Variants in PCDHGA11 observed in about 807,000 individuals in gnomAD.
PCDHGA11 encodes protocadherin gamma-A11.
Under a neutral mutation model 60.4 loss-of-function variants are expected in PCDHGA11, and 39 were observed. That is an observed-to-expected ratio of 0.65 (90% CI 0.50 to 0.84). The LOEUF (loss-of-function observed/expected upper bound fraction) is 0.84, where lower values mean the gene tolerates loss of function less well. Among genes scored for constraint, PCDHGA11 ranks in the 40% least tolerant of loss-of-function variants. The pLI is 0.00. For missense variants in PCDHGA11, 1,165 were observed against 1,197.7 expected, an observed-to-expected ratio of 0.97 and a Z score of 0.40; for synonymous variants, 533 against 510.3, an observed-to-expected ratio of 1.04 and a Z score of -0.60.
At chr5:141,430,285 T>C (rs1456678142) in intron 1 of PCDHGA11, among the ~76,000 whole-genome samples, 18 of 151,710 alleles carry the variant, frequency 1.2e-4, no homozygotes, top group Admixed American at 1.2e-3. Flanking sequence ...GGAACAGTAA[T>C]CTCAAAGCAG....
At chr5:141,465,775 T>TA (rs2099108994) in intron 1 of PCDHGA11, among the ~76,000 whole-genome samples, 1 of 152,030 alleles carries the variant, frequency 6.6e-6, no homozygotes, top group African/African-American at 2.4e-5. Context: ...CATCTCTTGT[T>TA]ACAGTTTTTT....
In PCDHGA11 at chr5:141,477,531, C is replaced by T. The variant is rs1316982512; in HGVS notation, c.2434-17276C>T. 5 of 1,614,162 alleles carry T rather than the reference C, an allele frequency of 3.1e-6. No homozygotes were observed. Among genetic ancestry groups the T allele is most frequent in the Middle Eastern group, 1.6e-4 (1 of 6,062 alleles). On this transcript the variant is annotated intron_variant, in intron 1 of 3. Transcript: ENST00000398587. This position sits in a 1 kb window ranked among gnomAD's most constrained non-coding sequence, Gnocchi z 4.9. ...GTTTACATTGAAGAAAACAACCTCC[C>T]CGGGGCTCCAATACTAAACCTAAGT... is the stretch of plus-strand genomic sequence containing the variant.
intron 2 of PCDHGA11, among the ~76,000 whole-genome samples, chr5:141,497,076 C>T (rs1052240279): frequency 5.9e-5 from 9 of 151,826 alleles, no homozygotes; most frequent in Non-Finnish European, 8.8e-5. Context: ...GTAATCCCAG[C>T]GACTTAGGAG....
chr5:141,423,562 AC>A lies in PCDHGA11; in HGVS notation c.2336del (p.Thr779SerfsTer15). The A allele has an allele frequency of 6.2e-7, 1 of 1,613,612 alleles. No homozygotes were observed. Among genetic ancestry groups the A allele is most frequent in the Non-Finnish European group, 8.5e-7 (1 of 1,179,692 alleles). ...TTTCCCCCAGCCCAACTATGGGGAC[AC>A]GCTCATCAGCCAGGAGAGCTGTGAG... is the stretch of plus-strand genomic sequence containing the variant. ...LIFPQPNYGD[T>X]LISQESCEKS... On this transcript the variant is annotated frameshift_variant, in exon 1 of 4. Coordinates refer to ENST00000398587, the MANE Select transcript of PCDHGA11 (RefSeq NM_018914.3). LOFTEE classifies it high-confidence loss of function.
Position 141,431,241 on chromosome 5 carries a change from A to T in PCDHGA11, c.2433+7581A>T. On this transcript the variant is annotated intron_variant, in intron 1 of 3. Coordinates refer to ENST00000398587, the MANE Select transcript of PCDHGA11 (RefSeq NM_018914.3). This position sits in a 1 kb window ranked among gnomAD's most constrained non-coding sequence, Gnocchi z 4.8. ...CCTCTACCCCACGCCTGGGATCCGG[A>T]TATCGGGAAGAACTCTCTGCAGAGC... The T allele has an allele frequency of 6.2e-7, 1 of 1,614,138 alleles. No individual in the cohort carries two copies. The highest frequency in any genetic ancestry group is 8.5e-7 in the Non-Finnish European group (1 of 1,180,046).
intron 1 of PCDHGA11, among the ~76,000 whole-genome samples, chr5:141,469,103 C>G (rs949254605): frequency 6.6e-6 from 1 of 151,844 alleles, no homozygotes; most frequent in Non-Finnish European, 1.5e-5. Flanking sequence ...AAAGCAAGAA[C>G]CTGTCTCTAA....
chr5:141,427,481 C>G, intron 1 of PCDHGA11: 2 of 534,060 alleles, frequency 3.7e-6, no homozygotes, highest in Non-Finnish European at 7.2e-6. Flanking sequence ...CCAATAATGA[C>G]TATAAGCTTG....
At chr5:141,506,735 G>A (rs1467217136) in intron 3 of PCDHGA11, among the ~76,000 whole-genome samples, 1 of 152,098 alleles carries the variant, frequency 6.6e-6, no homozygotes, top group Non-Finnish European at 1.5e-5. Context: ...TTAGAATAAT[G>A]CCTATTAATA....
chr5:141,455,852 T>C (rs2154565235), intron 1 of PCDHGA11, among the ~76,000 whole-genome samples: 1 of 148,622 alleles, frequency 6.7e-6, no homozygotes, highest in South Asian at 2.1e-4. Context: ...CATAAAATAA[T>C]TTCTTTTATT....
chr5:141,476,040 G>T lies in PCDHGA11; in HGVS notation c.2434-18767G>T. On this transcript the variant is annotated intron_variant, in intron 1 of 3. Coordinates refer to ENST00000398587, the MANE Select transcript of PCDHGA11 (RefSeq NM_018914.3). This position sits in a 1 kb window ranked among gnomAD's most constrained non-coding sequence, Gnocchi z 7.6. ...CGGACTCGGCGCCCAGCGCCCAAGC[G>T]CTAACCCGCTGAAAGTTTCTCAGCG... is the stretch of plus-strand genomic sequence containing the variant. 1 of 1,488,704 alleles carries T rather than the reference G, an allele frequency of 6.7e-7. No homozygotes were observed. 92.2% of individuals were successfully genotyped at this position (1,488,704 alleles called of 1,614,324 possible).
intron 1 of PCDHGA11, among the ~76,000 whole-genome samples, chr5:141,464,442 G>A (rs890758574): frequency 3.3e-5 from 5 of 151,500 alleles, no homozygotes; most frequent in African/African-American, 1.2e-4. Flanking sequence ...TATGTTTGTT[G>A]TTGTTGTTGT....
At chr5:141,505,341 A>G in intron 2 of PCDHGA11, 52 bp from the exon 3 acceptor site, 3 of 1,612,728 alleles carry the variant, frequency 1.9e-6, no homozygotes, top group Non-Finnish European at 2.5e-6. Context: ...CAGGAGGGGC[A>G]TGAGCTGTGC....
chr5:141,433,223 T>C lies in PCDHGA11; in HGVS notation c.2433+9563T>C, dbSNP rs2097577369. On this transcript the variant is annotated intron_variant, in intron 1 of 3. Coordinates refer to ENST00000398587, the MANE Select transcript of PCDHGA11 (RefSeq NM_018914.3). The stretch of plus-strand genomic sequence containing the variant: ...AATCTTCTTTCTTTTTTTTTTTTAA[T>C]TGCTCTGTCTCCCAAGCTGGAATGC... The C allele has an allele frequency of 4.6e-6, 7 of 1,525,952 alleles. No individual in the cohort carries two copies. In the East Asian group the frequency reaches 1.6e-4, roughly 34 times the overall value. The allele number at this position is 1,525,952 out of a possible 1,614,324, so 94.5% of individuals were successfully genotyped here. A position where few individuals can be genotyped will look rare whatever the true frequency, so the allele number is the denominator to read the frequency against.
In PCDHGA11 at chr5:141,511,307, G is replaced by A. The variant is rs919320754; in HGVS notation, c.*134G>A. On this transcript the variant is annotated 3_prime_UTR_variant, in exon 4 of 4. Coordinates refer to ENST00000398587, the MANE Select transcript of PCDHGA11 (RefSeq NM_018914.3). ...TAGGGGCCAAGGCCATGCTCCCCTT[G>A]GGAAACAGAAACAAGTGCCCAGTCA... 8 of 1,488,416 alleles carry A rather than the reference G, an allele frequency of 5.4e-6. No individual in the cohort carries two copies. Among genetic ancestry groups the A allele is most frequent in the Non-Finnish European group, 5.4e-6 (6 of 1,115,202 alleles). The allele number at this position is 1,488,416 out of a possible 1,614,324, so 92.2% of individuals were successfully genotyped here. A position where few individuals can be genotyped will look rare whatever the true frequency, so the allele number is the denominator to read the frequency against.
chr5:141,497,111 G>A (rs899232924), intron 2 of PCDHGA11, among the ~76,000 whole-genome samples: 16 of 152,010 alleles, frequency 1.1e-4, no homozygotes, highest in Non-Finnish European at 1.2e-4. Context: ...GCTTGAACCC[G>A]GAAGGCAGAG....
At chr5:141,482,761 ATT>A (rs2099571906) in intron 1 of PCDHGA11, among the ~76,000 whole-genome samples, 1 of 127,370 alleles carries the variant, frequency 7.9e-6, no homozygotes, top group Admixed American at 7.7e-5. Flanking sequence ...ATGGTATTTC[ATT>A]ATCACTGAAC....
intron 1 of PCDHGA11, chr5:141,433,292 C>A: frequency 9.2e-7 from 1 of 1,082,526 alleles, no homozygotes; most frequent in South Asian, 1.6e-5. Context: ...CTCCTAGGCT[C>A]AAGCAATTAT....
chr5:141,425,881 A>C (rs911454948), intron 1 of PCDHGA11, among the ~76,000 whole-genome samples: 1 of 152,230 alleles, frequency 6.6e-6, no homozygotes, highest in African/African-American at 2.4e-5. Context: ...TCTCTAAGGA[A>C]TCTTCTTTGG....
In PCDHGA11 at chr5:141,422,909, C is replaced by T. The variant is rs1260941191; in HGVS notation, c.1682C>T (p.Pro561Leu). Residue 561 changes from proline (P) to leucine (L), a missense_variant, in exon 1 of 4, where the codon CCC becomes CTC. Pro to Leu is a moderately conservative substitution (Grantham distance 98). Coordinates refer to ENST00000398587, the MANE Select transcript of PCDHGA11 (RefSeq NM_018914.3). ...LFVLDQNDNA[P>L]EILYPALPTD... ...GTGCTGGACCAGAACGACAATGCGC[C>T]CGAGATCCTGTACCCTGCCCTCCCC... The T allele has an allele frequency of 6.2e-7, 1 of 1,614,252 alleles. No homozygotes were observed. Among genetic ancestry groups the T allele is most frequent in the East Asian group, 2.2e-5 (1 of 44,872 alleles).
Sources: gnomAD v4.1 joint callset for allele counts (sites outside exome capture counted in the v4.1 genomes callset) on GRCh38, gnomAD v4.1.1 for gene constraint, Gnocchi (gnomAD v3.1) non-coding constraint, MANE v1.5 for transcripts, NCBI Gene and HGNC (gene_info 2026-07-23, HGNC 2026-07-21) for gene names.